Variants in SMOC2 observed in about 807,000 individuals in gnomAD.
The protein encoded by SMOC2 is SPARC-related modular calcium-binding protein 2.
In SMOC2, 39 loss-of-function variants were observed where a neutral mutation model predicts 61.4. That is an observed-to-expected ratio of 0.64 (90% confidence interval 0.49 to 0.83). The LOEUF (loss-of-function observed/expected upper bound fraction) is 0.83, where lower values mean the gene tolerates loss of function less well. SMOC2 is among the 40% of genes least tolerant of loss of function. SMOC2 has a pLI of 0.00. For synonymous variants in SMOC2, 247 were observed against 239.9 expected (o/e 1.03, Z -0.27); for missense variants, 556 against 592.9 (o/e 0.94, Z 0.65).
intron 9 of SMOC2, among the ~76,000 whole-genome samples, chr6:168,620,622 C>G (rs1487158080): frequency 3.3e-5 from 5 of 152,074 alleles, no homozygotes; most frequent in African/African-American, 4.8e-5. Context: ...GAACATTTCA[C>G]CCTCACCCTA....
chr6:168,636,355 C>A (rs1442263428), intron 9 of SMOC2, among the ~76,000 whole-genome samples: 2 of 152,224 alleles, frequency 1.3e-5, no homozygotes, highest in African/African-American at 4.8e-5. Context: ...GATGGGTCTT[C>A]CCATCAGGAG....
At chr6:168,614,113 T>G (rs76940955) in intron 9 of SMOC2, among the ~76,000 whole-genome samples, 12 of 46,048 alleles carry the variant, frequency 2.6e-4, no homozygotes, top group East Asian at 7.8e-4. Context: ...AGCCAGCACA[T>G]GGAGCCTCTT....
rs140121577 is a variant in SMOC2, at chr6:168,509,744, T to G, written c.85-171T>G. 4.0e-3 allele frequency among the ~76,000 whole-genome samples: 609 copies of G among 152,336 alleles called. 7 individuals are homozygous for G. The highest frequency in any genetic ancestry group is 0.024 in the Middle Eastern group (7 of 292). ...CTAGGCTTTTGAAACAGATGATGGC[T>G]AAAATGTTCAGAGGTGCACGTGGCG... On this transcript the variant is annotated intron_variant, in intron 1 of 12. Coordinates refer to ENST00000356284, the MANE Select transcript of SMOC2 (RefSeq NM_001166412.2).
chr6:168,557,502 C>G (rs1336029976), intron 7 of SMOC2, among the ~76,000 whole-genome samples: 1 of 152,236 alleles, frequency 6.6e-6, no homozygotes, highest in Non-Finnish European at 1.5e-5. Flanking sequence ...CAAACCCTAT[C>G]TGAGTGGTTT....
chr6:168,442,782 T>C (rs1781246483), intron 1 of SMOC2, among the ~76,000 whole-genome samples: 1 of 152,248 alleles, frequency 6.6e-6, no homozygotes, highest in South Asian at 2.1e-4. Flanking sequence ...GTGAGTTCAT[T>C]GCTCATACCT....
chr6:168,544,630 G>A lies in SMOC2; in HGVS notation c.511+958G>A, dbSNP rs958985460. Among the ~76,000 whole-genome samples the A allele has an allele frequency of 2.6e-5, 4 of 152,134 alleles. No homozygotes were observed. Among genetic ancestry groups the A allele is most frequent in the East Asian group, 1.9e-4 (1 of 5,190 alleles). On this transcript the variant is annotated intron_variant, in intron 5 of 12. Coordinates refer to ENST00000356284, the MANE Select transcript of SMOC2 (RefSeq NM_001166412.2). The surrounding 1 kb of genome is among the most constrained non-coding windows in gnomAD (Gnocchi z 4.1). ...GGAGGTTGCAGTGAGCCGAGATCAC[G>A]CCACTGCACTCCAGCCTGGGCAACA...
intron 11 of SMOC2, among the ~76,000 whole-genome samples, chr6:168,659,893 TGGA>T: frequency 6.6e-6 from 1 of 152,360 alleles, no homozygotes; most frequent in South Asian, 2.1e-4. Flanking sequence ...TGGATGAGGG[TGGA>T]GGTTGTAGGT....
chr6:168,468,346 T>C (rs999013846), intron 1 of SMOC2, among the ~76,000 whole-genome samples: 1 of 152,218 alleles, frequency 6.6e-6, no homozygotes, highest in Non-Finnish European at 1.5e-5. Context: ...TGGCAGGACT[T>C]TCAGGTCAGT....
intron 2 of SMOC2, among the ~76,000 whole-genome samples, chr6:168,522,280 A>G (rs1286125221): frequency 6.6e-6 from 1 of 152,202 alleles, no homozygotes; most frequent in Admixed American, 6.5e-5. Flanking sequence ...GGCAGACAGC[A>G]GGCACTCCCT....
At chr6:168,455,984 G>A (rs538886458) in intron 1 of SMOC2, among the ~76,000 whole-genome samples, 4 of 151,854 alleles carry the variant, frequency 2.6e-5, no homozygotes, top group East Asian at 3.9e-4. Flanking sequence ...AAAGGGCGCG[G>A]CACTCAGGCA....
intron 2 of SMOC2, among the ~76,000 whole-genome samples, chr6:168,523,601 A>G (rs1358637130): frequency 7.2e-6 from 1 of 139,110 alleles, no homozygotes; most frequent in Non-Finnish European, 1.6e-5. Context: ...GGGTTTCACC[A>G]TGTTAGCCAG....
In SMOC2 at chr6:168,650,713, ACC is replaced by A; in HGVS notation, c.941_942del (p.Thr314LysfsTer47). Reference protein sequence around the residue: ...CPGAKKHEFLTSVLDALSTDM... With the variant: ...CPGAKKHEFLXSVLDALSTDM... ...GGGTGCCAAAAAGCATGAGTTTCTG[ACC>A]AGCGTTCTGGACGCGCTGTCCACGG... On this transcript the variant is annotated frameshift_variant, in exon 10 of 13. Transcript: ENST00000356284. LOFTEE classifies it high-confidence loss of function. 2 of 1,613,848 alleles carry A rather than the reference ACC, an allele frequency of 1.2e-6. No homozygotes were observed. Among genetic ancestry groups the A allele is most frequent in the Non-Finnish European group, 1.7e-6 (2 of 1,179,972 alleles).
rs774984093 is a variant in SMOC2, at chr6:168,527,739, G to A, written c.463+12G>A. On this transcript the variant is annotated intron_variant, in intron 4 of 12. Transcript: ENST00000356284. ...GCCCCGGTGCCCGGGTAGGTCTGACGTGCCTTTCCAAGTGGAAGGCTTGAA... is the reference window on the plus strand; with the variant it reads ...GCCCCGGTGCCCGGGTAGGTCTGACATGCCTTTCCAAGTGGAAGGCTTGAA... 31 of 1,533,024 alleles carry A rather than the reference G, an allele frequency of 2.0e-5. No homozygotes were observed. In the South Asian group the frequency reaches 2.0e-4, roughly 10 times the overall value. 95.0% of individuals were successfully genotyped at this position (1,533,024 alleles called of 1,614,324 possible). A position where few individuals can be genotyped will look rare whatever the true frequency, so the allele number is the denominator to read the frequency against.
chr6:168,558,930 C>T (rs1449745516), intron 7 of SMOC2, among the ~76,000 whole-genome samples: 3 of 151,154 alleles, frequency 2.0e-5, no homozygotes, highest in Non-Finnish European at 4.4e-5. Context: ...CTTGTGCGCA[C>T]GTGTGTGCGT....
chr6:168,650,419 T>C (rs1222326155), intron 9 of SMOC2, among the ~76,000 whole-genome samples: 3 of 152,202 alleles, frequency 2.0e-5, no homozygotes, highest in Non-Finnish European at 4.4e-5. Context: ...CCACCTCCGA[T>C]TGCAGTTCTG....
chr6:168,616,000 A>G (rs73238886), intron 9 of SMOC2, among the ~76,000 whole-genome samples: 40,785 of 151,874 alleles, frequency 0.27, 5,614 homozygotes, highest in African/African-American at 0.29. Context: ...GGAGCAACAC[A>G]TTCCTGCCAG....
chr6:168,441,235 C>T lies in SMOC2; in HGVS notation c.-136C>T, dbSNP rs915250069. On this transcript the variant is annotated 5_prime_UTR_variant, in exon 1 of 13. Coordinates refer to ENST00000356284, the MANE Select transcript of SMOC2 (RefSeq NM_001166412.2). Reference sequence around the variant, plus strand: ...AGGGGAGCTGCTCCAGCCGGGCCGCCGGGAGCGGTGGGGAGAGCATCGCGG... The same window carrying T: ...AGGGGAGCTGCTCCAGCCGGGCCGCTGGGAGCGGTGGGGAGAGCATCGCGG... The T allele has an allele frequency of 8.4e-6, 11 of 1,303,754 alleles. No homozygotes were observed. Among genetic ancestry groups the T allele is most frequent in the Middle Eastern group, 2.8e-4 (1 of 3,556 alleles). 80.8% of individuals were successfully genotyped at this position (1,303,754 alleles called of 1,614,324 possible).
intron 2 of SMOC2, among the ~76,000 whole-genome samples, chr6:168,522,256 C>A (rs544427633): frequency 2.6e-5 from 4 of 152,144 alleles, no homozygotes; most frequent in Non-Finnish European, 5.9e-5. Context: ...GGACATACAA[C>A]GGTTTAGCAC....
chr6:168,650,670 G>C lies in SMOC2; in HGVS notation c.908-11G>C. On this transcript the variant is annotated splice_polypyrimidine_tract_variant and intron_variant, in intron 9 of 12. Transcript: ENST00000356284. ...ATGAGTTAATTATGAAAACATACAC[G>C]TGTTTTTCAGGTTGTCCGGGTGCCA... is the stretch of plus-strand genomic sequence containing the variant. The C allele has an allele frequency of 6.2e-7, 1 of 1,610,156 alleles. No homozygotes were observed. Among genetic ancestry groups the C allele is most frequent in the Non-Finnish European group, 8.5e-7 (1 of 1,176,980 alleles).
Sources: allele counts gnomAD v4.1 joint callset (sites outside exome capture counted in the v4.1 genomes callset), GRCh38; gene constraint gnomAD v4.1.1; non-coding constraint Gnocchi (gnomAD v3.1); transcripts MANE v1.5; gene names NCBI Gene and HGNC (gene_info 2026-07-23, HGNC 2026-07-21).